Variants in GRIK3 observed in about 807,000 individuals in gnomAD.
The protein encoded by GRIK3 is glutamate ionotropic receptor kainate type subunit 3.
A neutral mutation model predicts 102.5 loss-of-function variants in GRIK3; 29 were observed. The observed-to-expected ratio is 0.28, with a 90% CI of 0.21 to 0.39. GRIK3 has a LOEUF of 0.39. Ranked by LOEUF, GRIK3 falls within the 10% of genes least tolerant of loss-of-function variation. The probability of loss-of-function intolerance (pLI) is 1.00; values close to 1 mark genes in which losing one functional copy is unlikely to be tolerated. For synonymous variants in GRIK3, 511 were observed against 504.9 expected (o/e 1.01, Z -0.16); for missense variants, 908 against 1,252.4 (o/e 0.73, Z 4.15).
At chr1:36,809,214 A>T (rs1642533472) in intron 13 of GRIK3, among the ~76,000 whole-genome samples, 1 of 151,804 alleles carries the variant, frequency 6.6e-6, no homozygotes, top group Non-Finnish European at 1.5e-5. Flanking sequence ...CCATCCATCC[A>T]TCCATCCAAC....
chr1:36,891,149 G>T, intron 1 of GRIK3, 53 bp from the exon 2 acceptor site: 1 of 1,381,082 alleles, frequency 7.2e-7, no homozygotes, highest in East Asian at 2.3e-5. Context: ...TGGGGCTCTA[G>T]CAAGGATGCT....
intron 10 of GRIK3, among the ~76,000 whole-genome samples, chr1:36,838,987 C>T (rs563221003): frequency 4.6e-5 from 7 of 152,134 alleles, no homozygotes; most frequent in South Asian, 4.1e-4. Flanking sequence ...AGGCCGTGGA[C>T]GACACTCCCT....
At chr1:36,908,046 G>A (rs1241200337) in intron 1 of GRIK3, among the ~76,000 whole-genome samples, 1 of 152,158 alleles carries the variant, frequency 6.6e-6, no homozygotes, top group African/African-American at 2.4e-5. Context: ...TCTGCAGTAT[G>A]ACATATTCTT....
intron 1 of GRIK3, among the ~76,000 whole-genome samples, chr1:36,933,847 A>G (rs904246134): frequency 6.6e-6 from 1 of 152,062 alleles, no homozygotes; most frequent in African/African-American, 2.4e-5. Flanking sequence ...TGTGGCAGGA[A>G]CCTCACTGCC....
chr1:36,807,026 C>G (rs1452318663), intron 13 of GRIK3, among the ~76,000 whole-genome samples: 2 of 152,096 alleles, frequency 1.3e-5, no homozygotes, highest in Non-Finnish European at 2.9e-5. Flanking sequence ...TACTTCATTA[C>G]TGTGAGGAAG....
At chr1:36,877,098 T>C (rs1338441578) in intron 3 of GRIK3, among the ~76,000 whole-genome samples, 1 of 152,324 alleles carries the variant, frequency 6.6e-6, no homozygotes, top group African/African-American at 2.4e-5. Context: ...CGTGTACTTA[T>C]AGTCAGAGCT....
rs1347872284 is a variant in GRIK3, at chr1:36,806,975, T to C, written c.2092-649A>G. ...CACTTCAACCAATGGAGGCCTCTTT[T>C]ATGTCCTGTTTCAGGGGAAGATTTT... On this transcript the variant is annotated intron_variant, in intron 13 of 15. Transcript: ENST00000373091. This position sits in a 1 kb window ranked among gnomAD's most constrained non-coding sequence, Gnocchi z 4.0. 6.6e-6 allele frequency among the ~76,000 whole-genome samples: 1 copy of C among 152,144 alleles called. No homozygotes were observed. The highest frequency in any genetic ancestry group is 1.5e-5 in the Non-Finnish European group (1 of 68,012).
chr1:36,945,155 C>G (rs1329719035), intron 1 of GRIK3, among the ~76,000 whole-genome samples: 1 of 152,270 alleles, frequency 6.6e-6, no homozygotes, highest in Non-Finnish European at 1.5e-5. Flanking sequence ...CAGGCCTCAT[C>G]AAAGGCCGGT....
At chr1:36,993,138 T>A (rs577340302) in intron 1 of GRIK3, among the ~76,000 whole-genome samples, 1 of 152,272 alleles carries the variant, frequency 6.6e-6, no homozygotes, top group South Asian at 2.1e-4. Context: ...TGACCATACA[T>A]GGCAAACCTA....
At chr1:36,927,437 C>CT (rs1333421104) in intron 1 of GRIK3, among the ~76,000 whole-genome samples, 1 of 151,970 alleles carries the variant, frequency 6.6e-6, no homozygotes, top group Non-Finnish European at 1.5e-5. Flanking sequence ...GTTTTATTTT[C>CT]TTTTTTGCCG....
At chr1:36,860,765 T>A (rs1474163947) in intron 5 of GRIK3, among the ~76,000 whole-genome samples, 11 of 152,154 alleles carry the variant, frequency 7.2e-5, no homozygotes, top group South Asian at 4.2e-4. Flanking sequence ...CTAGGAGAGA[T>A]GGCGGCAGAG....
rs764358794 is a variant in GRIK3, at chr1:36,819,292, C to T, written c.1873+444G>A. Among the ~76,000 whole-genome samples, 6 of 152,208 alleles carry T rather than the reference C, an allele frequency of 3.9e-5. No individual in the cohort carries two copies. Among genetic ancestry groups the T allele is most frequent in the Non-Finnish European group, 5.9e-5 (4 of 68,040 alleles). ...CTGCCTTCCACTCCCAGGGCCACCACGAGGTTCAGGTCTCATCACCTCATT... is the reference window on the plus strand; with the variant it reads ...CTGCCTTCCACTCCCAGGGCCACCATGAGGTTCAGGTCTCATCACCTCATT... On this transcript the variant is annotated intron_variant, in intron 12 of 15. Coordinates refer to ENST00000373091, the MANE Select transcript of GRIK3 (RefSeq NM_000831.4). This position sits in a 1 kb window ranked among gnomAD's most constrained non-coding sequence, Gnocchi z 4.1.
intron 1 of GRIK3, among the ~76,000 whole-genome samples, chr1:36,898,694 A>G (rs1370135367): frequency 2.6e-5 from 4 of 152,168 alleles, no homozygotes; most frequent in African/African-American, 9.6e-5. Context: ...AGAAATAGAA[A>G]AACCAATCCT....
chr1:36,827,848 G>T (rs1642771054), intron 10 of GRIK3, among the ~76,000 whole-genome samples: 1 of 152,198 alleles, frequency 6.6e-6, no homozygotes, highest in Non-Finnish European at 1.5e-5. Flanking sequence ...TCTAAAGGCA[G>T]CCCCCACACC....
intron 3 of GRIK3, among the ~76,000 whole-genome samples, chr1:36,873,112 C>G (rs573050287): frequency 2.6e-5 from 4 of 152,328 alleles, no homozygotes; most frequent in African/African-American, 9.6e-5. Context: ...TCAGCAATGG[C>G]CTCCTCTGGC....
In GRIK3 at chr1:36,806,726, GC is replaced by G. The variant is rs1157798787; in HGVS notation, c.2092-401del. On this transcript the variant is annotated intron_variant, in intron 13 of 15. Transcript: ENST00000373091. This position sits in a 1 kb window ranked among gnomAD's most constrained non-coding sequence, Gnocchi z 4.0. ...TCACAGGAGGCAGGCACCATCACAAGCCCCATTTTACAAATAAAAAGATTGA... is the reference window on the plus strand; with the variant it reads ...TCACAGGAGGCAGGCACCATCACAAGCCCATTTTACAAATAAAAAGATTGA... Among the ~76,000 whole-genome samples, 3 of 152,280 alleles carry G rather than the reference GC, an allele frequency of 2.0e-5. No individual in the cohort carries two copies. The highest frequency in any genetic ancestry group is 6.5e-5 in the Admixed American group (1 of 15,306).
At chr1:36,983,680 C>G (rs1441435289) in intron 1 of GRIK3, among the ~76,000 whole-genome samples, 1 of 152,098 alleles carries the variant, frequency 6.6e-6, no homozygotes, top group Admixed American at 6.5e-5. Context: ...TCCCATGATG[C>G]TCATGGGGGG....
At chr1:37,017,732 TAA>T (rs1642668925) in intron 1 of GRIK3, among the ~76,000 whole-genome samples, 1 of 152,156 alleles carries the variant, frequency 6.6e-6, no homozygotes. Flanking sequence ...GCTGTTTTTT[TAA>T]AAAGACTCTC....
chr1:36,922,756 C>T lies in GRIK3; in HGVS notation c.116-31660G>A, dbSNP rs559152565. On this transcript the variant is annotated intron_variant, in intron 1 of 15. Transcript: ENST00000373091. ...ATGAGGAAACAGGTTCCGGGAGGTG[C>T]GGCTGCTTGCTCAGGGCTCAGATCT... Among the ~76,000 whole-genome samples the T allele has an allele frequency of 3.9e-5, 6 of 152,286 alleles. No individual in the cohort carries two copies. The South Asian group carries it at 6.2e-4, about 16-fold the overall frequency.
Sources: allele counts gnomAD v4.1 joint callset (sites outside exome capture counted in the v4.1 genomes callset), GRCh38; gene constraint gnomAD v4.1.1; non-coding constraint Gnocchi (gnomAD v3.1); transcripts MANE v1.5; gene names NCBI Gene and HGNC (gene_info 2026-07-23, HGNC 2026-07-21).